REV3L: variants seen among roughly 807,000 people sequenced by gnomAD.
The protein encoded by REV3L is DNA polymerase zeta catalytic subunit.
REV3L carries 69 observed loss-of-function variants against 299.4 expected under a neutral mutation model. That is an observed-to-expected ratio of 0.23 (90% confidence interval 0.19 to 0.28). The LOEUF is 0.28. Ranked by LOEUF, REV3L falls within the 10% of genes least tolerant of loss-of-function variation. REV3L has a pLI of 1.00. For missense variants in REV3L, 3,128 were observed against 3,693.8 expected, an observed-to-expected ratio of 0.85 and a Z score of 3.97; for synonymous variants, 1,238 against 1,271.4, an observed-to-expected ratio of 0.97 and a Z score of 0.56.
At chr6:111,346,840 T>C (rs146663221) in intron 20 of REV3L, among the ~76,000 whole-genome samples, 191 of 152,342 alleles carry the variant, frequency 1.3e-3, no homozygotes, top group African/African-American at 4.4e-3. Flanking sequence ...AATTTTAAGC[T>C]ACTAGTTAAT....
Position 111,392,880 on chromosome 6 carries a change from G to A in REV3L, c.658C>T (p.Pro220Ser). 1 of 1,591,882 alleles carries A rather than the reference G, an allele frequency of 6.3e-7. No individual in the cohort carries two copies. The highest frequency in any genetic ancestry group is 8.6e-7 in the Non-Finnish European group (1 of 1,160,204). The change falls in exon 5 of 32, where the codon CCA (proline) becomes TCA (serine). Residue 220 changes from proline to serine, a missense_variant. Pro to Ser is a moderately conservative substitution (Grantham distance 74). Coordinates refer to ENST00000368802, the MANE Select transcript of REV3L (RefSeq NM_001372078.1). ...TCCTTTACAACATTAACTAACCTTGGTATTTCATCTTGTTCCCACCGAAAT... is the reference window on the plus strand; with the variant it reads ...TCCTTTACAACATTAACTAACCTTGATATTTCATCTTGTTCCCACCGAAAT... ...TLFRWEQDEI[P>S]SSLILEGVEP...
At chr6:111,352,714 T>C (rs568278136) in intron 18 of REV3L, among the ~76,000 whole-genome samples, 193 of 152,238 alleles carry the variant, frequency 1.3e-3, no homozygotes, top group African/African-American at 4.4e-3. Flanking sequence ...GAAATATTAA[T>C]AGAGGTGGGA....
chr6:111,367,744 T>A lies in REV3L; in HGVS notation c.6044A>T (p.Glu2015Val), dbSNP rs17539692. 3,062 of 1,614,172 alleles carry A rather than the reference T, an allele frequency of 1.9e-3. 7 individuals are homozygous for A. The highest frequency in any genetic ancestry group is 2.3e-3 in the Middle Eastern group (14 of 6,062). ...LVQVWLQAKE[E>V]YERSKKLPKT... The stretch of plus-strand genomic sequence containing the variant: ...AGGCAGTTTCTTGGAACGTTCGTAT[T>A]CTTCTTTGGCTTGAAGCCACACTTG... The change falls in exon 14 of 32, where the codon GAA becomes GTA. Residue 2015 changes from glutamate to valine, a missense_variant. Around this residue, in one of 9 missense-constraint regions of REV3L, gnomAD observed 2,409 missense variants for 2,611.8 expected, o/e 0.92. Coordinates refer to ENST00000368802, the MANE Select transcript of REV3L (RefSeq NM_001372078.1).
chr6:111,456,898 T>C, intron 1 of REV3L, among the ~76,000 whole-genome samples: 1 of 152,144 alleles, frequency 6.6e-6, no homozygotes, highest in Non-Finnish European at 1.5e-5. Flanking sequence ...ATAACTCTCA[T>C]TCATCACTTT....
chr6:111,310,564 G>C (rs1772861630), intron 29 of REV3L: 2 of 155,328 alleles, frequency 1.3e-5, no homozygotes, highest in African/African-American at 4.8e-5. Flanking sequence ...AGGTTCGCTT[G>C]AGCCTGGGAG....
Position 111,367,527 on chromosome 6 carries a change from A to C in REV3L, c.6261T>G (p.Thr2087=). ...LQAPTTGCSQ[T]ASESQMLPPV... is the part of the protein sequence containing the mutation. ...GTGGCAGCATCTGACTTTCACTTGC[A>C]GTTTGACTACATCCCGTGGTTGGTG... The change falls in exon 14 of 32, where the codon ACT becomes ACG. Residue 2087 remains threonine, a synonymous_variant. Transcript: ENST00000368802. 6.2e-7 allele frequency: 1 copy of C among 1,612,268 alleles called. No individual in the cohort carries two copies. Among genetic ancestry groups the C allele is most frequent in the Admixed American group, 1.7e-5 (1 of 59,986 alleles).
At chr6:111,319,566 T>C (rs985315266) in intron 26 of REV3L, among the ~76,000 whole-genome samples, 8 of 152,098 alleles carry the variant, frequency 5.3e-5, no homozygotes, top group African/African-American at 1.9e-4. Context: ...AAAATGTAGT[T>C]AGAATAAGAC....
chr6:111,357,215 G>A (rs1004425318), intron 17 of REV3L, 90 bp from the exon 18 acceptor site: 6 of 410,090 alleles, frequency 1.5e-5, no homozygotes, highest in African/African-American at 2.1e-5. Flanking sequence ...CTACTTTTAA[G>A]TAAAATTGTA....
intron 25 of REV3L, among the ~76,000 whole-genome samples, chr6:111,326,661 A>G (rs982321058): frequency 5.9e-5 from 9 of 151,990 alleles, no homozygotes; most frequent in South Asian, 2.1e-4. Context: ...CTGCACTCCC[A>G]TATTTATTGT....
rs111446099 is a variant in REV3L at position 111,397,474 on chromosome 6, C to T, written c.566-4502G>A. On this transcript the variant is annotated intron_variant, in intron 4 of 31. Coordinates refer to ENST00000368802, the MANE Select transcript of REV3L (RefSeq NM_001372078.1). The stretch of plus-strand genomic sequence containing the variant: ...TATTCCATAGTGGTCAGAAAAGACA[C>T]TTAATATGATTTCAATTTTCTAAAA... Among the ~76,000 whole-genome samples the T allele has an allele frequency of 7.3e-3, 1,116 of 152,228 alleles. 13 individuals carry two copies. Among genetic ancestry groups the T allele is most frequent in the African/African-American group, 0.026 (1,062 of 41,514 alleles).
At chr6:111,403,319 G>T (rs1436073953) in intron 4 of REV3L, among the ~76,000 whole-genome samples, 1 of 152,136 alleles carries the variant, frequency 6.6e-6, no homozygotes, top group East Asian at 1.9e-4. Flanking sequence ...GGTGATGGTT[G>T]CATAACTCCA....
intron 1 of REV3L, among the ~76,000 whole-genome samples, chr6:111,427,116 A>T (rs757560608): frequency 6.6e-6 from 1 of 152,220 alleles, no homozygotes; most frequent in African/African-American, 2.4e-5. Context: ...GTTAATCAAA[A>T]CAAACTTACT....
intron 21 of REV3L, among the ~76,000 whole-genome samples, chr6:111,336,749 T>C (rs1261521539): frequency 1.3e-5 from 2 of 152,160 alleles, no homozygotes; most frequent in Non-Finnish European, 2.9e-5. Context: ...GTATTAATCA[T>C]AGTAGCCCAA....
chr6:111,481,709 T>C (rs953521723), intron 1 of REV3L, among the ~76,000 whole-genome samples: 2 of 152,204 alleles, frequency 1.3e-5, no homozygotes, highest in African/African-American at 4.8e-5. Flanking sequence ...TTTCCTAAGA[T>C]GCATTATTTC....
chr6:111,442,615 T>C (rs2128309030), intron 1 of REV3L, among the ~76,000 whole-genome samples: 1 of 152,348 alleles, frequency 6.6e-6, no homozygotes. Flanking sequence ...TCCAATTATT[T>C]AAGTAATAAG....
At chr6:111,447,060 T>C (rs1788949016) in intron 1 of REV3L, among the ~76,000 whole-genome samples, 1 of 152,352 alleles carries the variant, frequency 6.6e-6, no homozygotes, top group Non-Finnish European at 1.5e-5. Flanking sequence ...CGGTGTTTTT[T>C]ATATTTGAAA....
intron 1 of REV3L, among the ~76,000 whole-genome samples, chr6:111,443,704 G>A (rs557975941): frequency 6.6e-6 from 1 of 152,290 alleles, no homozygotes; most frequent in African/African-American, 2.4e-5. Context: ...TTGCAGATGT[G>A]TGCAAACTTT....
rs1786874174 is a variant in REV3L, at chr6:111,431,149, C to G, written c.140-14677G>C. ...GGAAGACACAGATCTTCCAAGCGAT[C>G]TCAGCAGCCATGAGTTTTTGGCCAC... On this transcript the variant is annotated intron_variant, in intron 1 of 31. Transcript: ENST00000368802. 4.6e-6 allele frequency: 7 copies of G among 1,537,184 alleles called. No homozygotes were observed. In the East Asian group the frequency reaches 1.6e-4, roughly 35 times the overall value.
At chr6:111,396,736 C>T (rs1265366247) in intron 4 of REV3L, among the ~76,000 whole-genome samples, 18 of 152,070 alleles carry the variant, frequency 1.2e-4, no homozygotes, top group Admixed American at 1.2e-3. Flanking sequence ...CTCACTGTTG[C>T]CCAGGCTGGT....
Sources: allele counts gnomAD v4.1 joint callset (sites outside exome capture counted in the v4.1 genomes callset), GRCh38; gene constraint gnomAD v4.1.1; regional missense constraint gnomAD v4.1.1; transcripts MANE v1.5; gene names NCBI Gene and HGNC (gene_info 2026-07-23, HGNC 2026-07-21).